The following ADCY5 variants were observed in gnomAD, a reference collection of about 807,000 sequenced individuals.
ADCY5 encodes adenylate cyclase type 5.
ADCY5 carries 30 observed loss-of-function variants against 119.7 expected under a neutral mutation model. That is an observed-to-expected ratio of 0.25 (90% CI 0.19 to 0.34). The LOEUF (loss-of-function observed/expected upper bound fraction) is 0.34. Among genes scored for constraint, ADCY5 ranks in the 10% least tolerant of loss-of-function variants. ADCY5 has a pLI of 1.00. For missense variants in ADCY5, 1,324 were observed against 1,775.2 expected (o/e 0.75, Z 4.57); for synonymous variants, 753 against 762.2 (o/e 0.99, Z 0.20).
At chr3:123,301,243 T>A (rs1381418204) in intron 14 of ADCY5, among the ~76,000 whole-genome samples, 1 of 152,188 alleles carries the variant, frequency 6.6e-6, no homozygotes, top group African/African-American at 2.4e-5. Context: ...TGTTTACTCT[T>A]CGCACACGGC....
At chr3:123,317,358 A>G (rs1216861091) in intron 11 of ADCY5, among the ~76,000 whole-genome samples, 1 of 149,924 alleles carries the variant, frequency 6.7e-6, no homozygotes, top group African/African-American at 2.4e-5. Flanking sequence ...AAGAACTAAC[A>G]GAAAGCAGCC....
At chr3:123,340,781 A>T (rs1196546855) in intron 3 of ADCY5, among the ~76,000 whole-genome samples, 1 of 152,178 alleles carries the variant, frequency 6.6e-6, no homozygotes, top group Non-Finnish European at 1.5e-5. Flanking sequence ...AGCTAAAGAT[A>T]GAATCGCCGT....
chr3:123,332,814 G>T, intron 3 of ADCY5, 139 bp from the exon 4 acceptor site: 2 of 614,150 alleles, frequency 3.3e-6, no homozygotes, highest in Non-Finnish European at 2.9e-6. Context: ...GAGTGCAGTG[G>T]TGTGATCAAG....
At chr3:123,372,188 C>T (rs62263809) in intron 1 of ADCY5, among the ~76,000 whole-genome samples, 27,137 of 152,062 alleles carry the variant, frequency 0.18, 2,804 homozygotes, top group Middle Eastern at 0.25. Context: ...GTTCTCTGCT[C>T]GAGGGCCCTA....
rs566554564 is a variant in ADCY5 at position 123,319,303 on chromosome 3, A to T, written c.2256+371T>A. On this transcript the variant is annotated intron_variant, in intron 10 of 20. Transcript: ENST00000462833. ...TCGGGGGAGGAGGTTGCAGTGAGCC[A>T]AGATCAAGCCACTGGACTCCAGCCT... Among the ~76,000 whole-genome samples, 3 of 150,984 alleles carry T rather than the reference A, an allele frequency of 2.0e-5. No homozygotes were observed. The East Asian group carries it at 5.8e-4, about 29-fold the overall frequency.
Position 123,283,564 on chromosome 3 carries a change from C to T in ADCY5, c.*1044G>A, listed in dbSNP as rs1212171784. 6.6e-6 allele frequency: 1 copy of T among 152,148 alleles called. No individual in the cohort carries two copies. The highest frequency in any genetic ancestry group is 1.9e-4 in the East Asian group (1 of 5,184). 9.4% of individuals were successfully genotyped at this position (152,148 alleles called of 1,614,324 possible). A position where few individuals can be genotyped will look rare whatever the true frequency, so the allele number is the denominator to read the frequency against. Reference sequence around the variant, plus strand: ...ATCTGAGCATATGGTACCCCAAAAGCACACACCCACTGCTCTGGTGGTACC... The same window carrying T: ...ATCTGAGCATATGGTACCCCAAAAGTACACACCCACTGCTCTGGTGGTACC... On this transcript the variant is annotated 3_prime_UTR_variant, in exon 21 of 21. Transcript: ENST00000462833.
intron 1 of ADCY5, among the ~76,000 whole-genome samples, chr3:123,428,119 T>C (rs963293418): frequency 6.6e-6 from 1 of 152,234 alleles, no homozygotes; most frequent in Admixed American, 6.5e-5. Flanking sequence ...CCTGGCCTTG[T>C]GACTCTCTGC....
chr3:123,417,139 A>C (rs1354776554), intron 1 of ADCY5, among the ~76,000 whole-genome samples: 2 of 151,908 alleles, frequency 1.3e-5, no homozygotes, highest in African/African-American at 4.8e-5. Flanking sequence ...TGAGAGCCAA[A>C]GGTGCATTGC....
intron 1 of ADCY5, among the ~76,000 whole-genome samples, chr3:123,424,966 G>A (rs994382361): frequency 2.6e-5 from 4 of 152,210 alleles, no homozygotes; most frequent in African/African-American, 4.8e-5. Context: ...GGTTCATTTC[G>A]AGACTGACTC....
chr3:123,373,536 G>T (rs1430059387), intron 1 of ADCY5, among the ~76,000 whole-genome samples: 1 of 152,210 alleles, frequency 6.6e-6, no homozygotes. Context: ...TCACAGAAAC[G>T]ACTCCTTGCC....
At chr3:123,320,929 T>G (rs957755352) in intron 8 of ADCY5, among the ~76,000 whole-genome samples, 158 bp from the exon 9 acceptor site, 14 of 152,146 alleles carry the variant, frequency 9.2e-5, no homozygotes, top group African/African-American at 3.4e-4. Context: ...CTTCCTTCCT[T>G]CACTTGGAGA....
chr3:123,448,627 C>G lies in ADCY5; in HGVS notation c.-82G>C. 4 of 1,221,186 alleles carry G rather than the reference C, an allele frequency of 3.3e-6. No individual in the cohort carries two copies. The highest frequency in any genetic ancestry group is 4.1e-6 in the Non-Finnish European group (4 of 970,006). The allele number at this position is 1,221,186 out of a possible 1,614,324, so 75.6% of individuals were successfully genotyped here. On this transcript the variant is annotated 5_prime_UTR_variant, in exon 1 of 21. Transcript: ENST00000462833. ...TCCAAGGGGAGGGCGGACGGCCGAGCAGGGGGACCAGGCTAGGGTCACACG... is the reference window on the plus strand; with the variant it reads ...TCCAAGGGGAGGGCGGACGGCCGAGGAGGGGGACCAGGCTAGGGTCACACG...
At chr3:123,336,615 G>A (rs888262283) in intron 3 of ADCY5, among the ~76,000 whole-genome samples, 4 of 152,114 alleles carry the variant, frequency 2.6e-5, no homozygotes, top group Admixed American at 2.0e-4. Context: ...AAGAGCAGAG[G>A]AGGTGAGAAG....
At position 123,403,585 on chromosome 3, in the gene ADCY5, G is replaced by A. The variant is rs139968885; in HGVS notation, c.1134+43827C>T. On this transcript the variant is annotated intron_variant, in intron 1 of 20. Coordinates refer to ENST00000462833, the MANE Select transcript of ADCY5 (RefSeq NM_183357.3). ...GGAGCATTGTTGAGTGAACAAGTGA[G>A]GTGCGCAATCAGTCCCTGGGTCCAT... 3.3e-5 allele frequency among the ~76,000 whole-genome samples: 5 copies of A among 152,248 alleles called. No homozygotes were observed. In the East Asian group the frequency reaches 7.7e-4, roughly 24 times the overall value.
intron 8 of ADCY5, among the ~76,000 whole-genome samples, chr3:123,324,404 CCACACACACA>C (rs10522987): frequency 0.13 from 14,308 of 109,136 alleles, 1,002 homozygotes; most frequent in Middle Eastern, 0.16. Context: ...CACACAGAAA[CCACACACACA>C]CACACACACA....
intron 1 of ADCY5, among the ~76,000 whole-genome samples, chr3:123,415,871 G>T (rs148950515): frequency 6.9e-4 from 105 of 152,260 alleles, no homozygotes; most frequent in African/African-American, 2.4e-3. Context: ...GTGTATAGGG[G>T]TAAATGGACA....
chr3:123,423,301 A>G (rs1239326265), intron 1 of ADCY5, among the ~76,000 whole-genome samples: 2 of 152,036 alleles, frequency 1.3e-5, no homozygotes, highest in African/African-American at 2.4e-5. Flanking sequence ...TATAAAACCC[A>G]TCCCCGCCCC....
chr3:123,291,608 G>A (rs1322775150), intron 17 of ADCY5, among the ~76,000 whole-genome samples: 1 of 152,058 alleles, frequency 6.6e-6, no homozygotes, highest in Non-Finnish European at 1.5e-5. Context: ...TCTGAGCCTC[G>A]AACTCTCTCT....
rs1311281475 is a variant in ADCY5 at position 123,448,551 on chromosome 3, C to A, written c.-6G>T. On this transcript the variant is annotated 5_prime_UTR_variant, in exon 1 of 21. Transcript: ENST00000462833. Reference sequence around the variant, plus strand: ...ACGCTTTTGGAGCCGGACATCCCCCCCTCGGCCTCGTCGTCTCCTTCCTCC... The same window carrying A: ...ACGCTTTTGGAGCCGGACATCCCCCACTCGGCCTCGTCGTCTCCTTCCTCC... 3.2e-6 allele frequency: 4 copies of A among 1,263,802 alleles called. No homozygotes were observed. In the East Asian group the frequency reaches 9.4e-5, roughly 30 times the overall value. The allele number at this position is 1,263,802 out of a possible 1,614,324, so 78.3% of individuals were successfully genotyped here.
Sources: allele counts gnomAD v4.1 joint callset (sites outside exome capture counted in the v4.1 genomes callset), GRCh38; gene constraint gnomAD v4.1.1; transcripts MANE v1.5; gene names NCBI Gene and HGNC (gene_info 2026-07-23, HGNC 2026-07-21).